The following DSG3 variants were observed in gnomAD, a reference collection of about 807,000 sequenced individuals.
The protein encoded by DSG3 is desmoglein-3.
In DSG3, 63 loss-of-function variants were observed where a neutral mutation model predicts 85.9. That is an observed-to-expected ratio of 0.73 (90% CI 0.60 to 0.90). DSG3 has a LOEUF of 0.90. DSG3 is among the 40% of genes least tolerant of loss of function. The pLI is 0.00. For missense variants in DSG3, 1,220 were observed against 1,219.9 expected (o/e 1.00, Z 0.00); for synonymous variants, 447 against 441.9 (o/e 1.01, Z -0.14).
chr18:31,466,429 C>A, intron 10 of DSG3, 101 bp from the exon 11 acceptor site: 1 of 955,236 alleles, frequency 1.0e-6, no homozygotes, highest in Non-Finnish European at 1.6e-6. Context: ...CATGAGAAGA[C>A]ACACTGAGTT....
At position 31,465,391 on chromosome 18, in the gene DSG3, A is replaced by G; in HGVS notation, c.1345A>G (p.Asn449Asp). 1.3e-6 allele frequency: 2 copies of G among 1,551,820 alleles called. No individual in the cohort carries two copies. Among genetic ancestry groups the G allele is most frequent in the Non-Finnish European group, 1.7e-6 (2 of 1,149,898 alleles). The change falls in exon 10 of 16, where the codon AAT (asparagine) becomes GAT (aspartate). Residue 449 changes from asparagine to aspartate, a missense_variant. Coordinates refer to ENST00000257189, the MANE Select transcript of DSG3 (RefSeq NM_001944.3). ...AACTGCTGAAATCAAATTTGTCAAA[A>G]ATATGAACCGAGATTCTACTTTCAT... ...SKTAEIKFVK[N>D]MNRDSTFIVN...
At position 31,476,011 on chromosome 18, in the gene DSG3, G is replaced by T; in HGVS notation, c.2751G>T (p.Gln917His). The change falls in exon 16 of 16, where the codon CAG becomes CAT. Residue 917 changes from glutamine to histidine, a missense_variant. Gln to His is a conservative substitution (Grantham distance 24). Coordinates refer to ENST00000257189, the MANE Select transcript of DSG3 (RefSeq NM_001944.3). Reference sequence around the variant, plus strand: ...CTTTGTCCACCTCTGGGTCTGTCCAGCCAGCTGTTTCCATCCCTGACCCTC... The same window carrying T: ...CTTTGTCCACCTCTGGGTCTGTCCATCCAGCTGTTTCCATCCCTGACCCTC... ...ASALSTSGSV[Q>H]PAVSIPDPLQ... is the part of the protein sequence containing the mutation. 1 of 1,614,192 alleles carries T rather than the reference G, an allele frequency of 6.2e-7. No individual in the cohort carries two copies. The highest frequency in any genetic ancestry group is 8.5e-7 in the Non-Finnish European group (1 of 1,180,032).
At chr18:31,475,621 T>G (rs2072881155) in intron 15 of DSG3, 25 bp from the exon 16 acceptor site, 1 of 1,597,684 alleles carries the variant, frequency 6.3e-7, no homozygotes, top group Non-Finnish European at 8.5e-7. Flanking sequence ...AAAATTCATT[T>G]TTTCCCACTT....
At chr18:31,465,078 T>A (rs2072809235) in intron 9 of DSG3, among the ~76,000 whole-genome samples, 1 of 149,874 alleles carries the variant, frequency 6.7e-6, no homozygotes, top group Admixed American at 6.7e-5. Flanking sequence ...TGAGCCGAGA[T>A]GGCACCATTG....
chr18:31,457,555 TTC>T (rs1568086387), intron 3 of DSG3, among the ~76,000 whole-genome samples: 20 of 120,370 alleles, frequency 1.7e-4, no homozygotes, highest in African/African-American at 6.9e-4. Flanking sequence ...TTCTCTTTCT[TTC>T]TTTCTTTCTT....
chr18:31,476,386 G>C lies in DSG3; in HGVS notation c.*126G>C. The C allele has an allele frequency of 9.0e-7, 1 of 1,106,184 alleles. No homozygotes were observed. Among genetic ancestry groups the C allele is most frequent in the Middle Eastern group, 3.1e-4 (1 of 3,180 alleles). The allele number at this position is 1,106,184 out of a possible 1,614,324, so 68.5% of individuals were successfully genotyped here. A position where few individuals can be genotyped will look rare whatever the true frequency, so the allele number is the denominator to read the frequency against. The stretch of plus-strand genomic sequence containing the variant: ...CACTTATTAGCTTCTCTCATAAACT[G>C]ATCACGATTATAAATTAAATGTTTG... On this transcript the variant is annotated 3_prime_UTR_variant, in exon 16 of 16. Transcript: ENST00000257189.
Position 31,461,321 on chromosome 18 carries a change from C to T in DSG3, c.908C>T (p.Ala303Val). ...LDEEYTDNWL[A>V]VYFFTSGNEG... ...GAAGAGTACACAGATAATTGGCTTG[C>T]AGTATATTTCTTTACCTCTGGGAAT... is the stretch of plus-strand genomic sequence containing the variant. The change falls in exon 8 of 16, where the codon GCA becomes GTA. Residue 303 changes from alanine (A) to valine (V), a missense_variant. Ala to Val is a moderately conservative substitution (Grantham distance 64). Coordinates refer to ENST00000257189, the MANE Select transcript of DSG3 (RefSeq NM_001944.3). 1 of 1,613,376 alleles carries T rather than the reference C, an allele frequency of 6.2e-7. No homozygotes were observed. Among genetic ancestry groups the T allele is most frequent in the African/African-American group, 1.3e-5 (1 of 74,976 alleles).
chr18:31,469,174 T>C lies in DSG3; in HGVS notation c.1722T>C (p.Asn574=), dbSNP rs1481823806. 1.9e-6 allele frequency: 3 copies of C among 1,614,026 alleles called. No homozygotes were observed. The highest frequency in any genetic ancestry group is 1.6e-4 in the Middle Eastern group (1 of 6,062). ...ISLVLTDSQN[N]RCEMPRSLTL... ...TGGTACTTACAGACAGTCAGAACAA[T>C]CGGTGTGAGATGCCACGCAGCTTGA... Residue 574 remains asparagine, a synonymous_variant, in exon 12 of 16, where the codon AAT becomes AAC. Transcript: ENST00000257189.
At position 31,469,202 on chromosome 18, in the gene DSG3, C is replaced by A. The variant is rs2072840142; in HGVS notation, c.1750C>A (p.Leu584Met). 6.2e-7 allele frequency: 1 copy of A among 1,614,090 alleles called. No homozygotes were observed. ...NRCEMPRSLTLEVCQCDNRGI... is the reference protein window; with the variant it reads ...NRCEMPRSLTMEVCQCDNRGI... Reference sequence around the variant, plus strand: ...GTGTGAGATGCCACGCAGCTTGACACTGGAAGTCTGTCAGTGTGACAACAG... The same window carrying A: ...GTGTGAGATGCCACGCAGCTTGACAATGGAAGTCTGTCAGTGTGACAACAG... The change falls in exon 12 of 16, where the codon CTG becomes ATG. Residue 584 changes from leucine (L) to methionine (M), a missense_variant. Physicochemically the swap from Leu to Met is conservative, Grantham distance 15. Coordinates refer to ENST00000257189, the MANE Select transcript of DSG3 (RefSeq NM_001944.3).
chr18:31,456,529 A>T (rs1598776233), intron 2 of DSG3, 54 bp downstream of exon 2: 1 of 1,019,428 alleles, frequency 9.8e-7, no homozygotes, highest in East Asian at 3.1e-5. Flanking sequence ...TTTAAAAAAA[A>T]ATTAAATTGT....
intron 14 of DSG3, 127 bp downstream of exon 14, chr18:31,472,915 G>A (rs2072864894): frequency 3.9e-6 from 3 of 770,980 alleles, no homozygotes; most frequent in Non-Finnish European, 6.4e-6. Context: ...TGTTACCACT[G>A]AAATGGAGAA....
In DSG3 at chr18:31,459,042, C is replaced by T. The variant is rs771333335; in HGVS notation, c.382C>T (p.Arg128Trp). 5.5e-5 allele frequency: 89 copies of T among 1,613,278 alleles called. No individual in the cohort carries two copies. In the East Asian group the frequency reaches 1.3e-3, roughly 24 times the overall value. Reference sequence around the variant, plus strand: ...TTCCCTCTGTTCCTAGATCACATGTCGGGCTCTAAATGCCCAAGGACTAGA... The same window carrying T: ...TTCCCTCTGTTCCTAGATCACATGTTGGGCTCTAAATGCCCAAGGACTAGA... ...EETPSFLITC[R>W]ALNAQGLDVE... Residue 128 changes from arginine (R) to tryptophan (W), a missense_variant, in exon 5 of 16, where the codon CGG becomes TGG. Transcript: ENST00000257189.
intron 6 of DSG3, 103 bp downstream of exon 6, chr18:31,460,114 G>A (rs1247150276): frequency 1.6e-6 from 2 of 1,262,174 alleles, no homozygotes; most frequent in Admixed American, 5.4e-5. Flanking sequence ...AAAGAAAAGA[G>A]GTTCTCAGTA....
chr18:31,457,122 A>G lies in DSG3; in HGVS notation c.214A>G (p.Lys72Glu). 1.2e-6 allele frequency: 2 copies of G among 1,611,642 alleles called. No homozygotes were observed. Among genetic ancestry groups the G allele is most frequent in the Non-Finnish European group, 1.7e-6 (2 of 1,179,362 alleles). The change falls in exon 3 of 16, where the codon AAG (lysine) becomes GAG (glutamate). Residue 72 changes from lysine to glutamate, a missense_variant and splice_region_variant. By Grantham distance (56) the Lys-to-Glu change is moderately conservative. Coordinates refer to ENST00000257189, the MANE Select transcript of DSG3 (RefSeq NM_001944.3). ...EDNSKRNPIA[K>E]ITSDYQATQK... ...TAACTCAAAAAGAAACCCAATTGCCAAGGTAAGTTATATCAACAGGAGCGT... is the reference window on the plus strand; with the variant it reads ...TAACTCAAAAAGAAACCCAATTGCCGAGGTAAGTTATATCAACAGGAGCGT...
At chr18:31,468,823 G>A (rs1253827094) in intron 11 of DSG3, among the ~76,000 whole-genome samples, 4 of 152,114 alleles carry the variant, frequency 2.6e-5, no homozygotes, top group Non-Finnish European at 5.9e-5. Context: ...ATTACAGTAA[G>A]AGTGAGTTGT....
At chr18:31,451,639 A>C (rs2072712376) in intron 1 of DSG3, among the ~76,000 whole-genome samples, 1 of 152,190 alleles carries the variant, frequency 6.6e-6, no homozygotes, top group African/African-American at 2.4e-5. Context: ...ATATATATAA[A>C]AATAAATGTC....
chr18:31,449,580 T>C (rs1020981044), intron 1 of DSG3, among the ~76,000 whole-genome samples: 6 of 152,218 alleles, frequency 3.9e-5, no homozygotes, highest in African/African-American at 1.4e-4. Context: ...TTCTCAATGC[T>C]TATTATATCT....
chr18:31,449,888 G>A lies in DSG3; in HGVS notation c.48+1963G>A, dbSNP rs115880166. ...TGAAATGTGGTTGGTCTGAGTTGAG[G>A]TGTGCTATTTAATATAAAATATACA... is the stretch of plus-strand genomic sequence containing the variant. On this transcript the variant is annotated intron_variant, in intron 1 of 15. Coordinates refer to ENST00000257189, the MANE Select transcript of DSG3 (RefSeq NM_001944.3). Among the ~76,000 whole-genome samples, 807 of 152,196 alleles carry A rather than the reference G, an allele frequency of 5.3e-3. 6 individuals carry two copies. The highest frequency in any genetic ancestry group is 0.019 in the African/African-American group (774 of 41,526).
chr18:31,460,971 T>C lies in DSG3; in HGVS notation c.813+10T>C. On this transcript the variant is annotated intron_variant, in intron 7 of 15. Transcript: ENST00000257189. ...GTTTAGAGACTCTCAGGTACACCCA[T>C]TGCTCCTTAAAGAATCATTTAGATA... is the stretch of plus-strand genomic sequence containing the variant. 1.3e-6 allele frequency: 2 copies of C among 1,575,332 alleles called. No homozygotes were observed. Among genetic ancestry groups the C allele is most frequent in the Non-Finnish European group, 1.7e-6 (2 of 1,169,452 alleles).
Sources: gnomAD v4.1 joint callset for allele counts (sites outside exome capture counted in the v4.1 genomes callset) on GRCh38, gnomAD v4.1.1 for gene constraint, MANE v1.5 for transcripts, NCBI Gene and HGNC (gene_info 2026-07-23, HGNC 2026-07-21) for gene names.